Variants in MAP4K4 observed in about 807,000 individuals in gnomAD.
MAP4K4 encodes HPK/GCK-like kinase HGK.
Under a neutral mutation model 189.6 loss-of-function variants are expected in MAP4K4, and 38 were observed. The ratio of observed to expected loss-of-function variants is 0.20; its 90% confidence interval spans 0.15 to 0.26. The LOEUF is 0.26. Among genes scored for constraint, MAP4K4 ranks in the 10% least tolerant of loss-of-function variants. The pLI, the probability that MAP4K4 is intolerant of heterozygous loss-of-function variation, is 1.00. For missense variants in MAP4K4, 1,054 were observed against 1,726.9 expected, an observed-to-expected ratio of 0.61 and a Z score of 6.91; for synonymous variants, 610 against 624.3, an observed-to-expected ratio of 0.98 and a Z score of 0.34.
At chr2:101,761,079 C>T (rs2076175590) in intron 2 of MAP4K4, among the ~76,000 whole-genome samples, 1 of 152,074 alleles carries the variant, frequency 6.6e-6, no homozygotes, top group Non-Finnish European at 1.5e-5. Flanking sequence ...ATCCAAAGAA[C>T]CAACTTAAAA....
At chr2:101,713,465 G>A (rs1460812727) in intron 2 of MAP4K4, among the ~76,000 whole-genome samples, 2 of 151,830 alleles carry the variant, frequency 1.3e-5, no homozygotes, top group Admixed American at 6.6e-5. Context: ...GCACGGTGGC[G>A]CATGCCTGTA....
intron 3 of MAP4K4, among the ~76,000 whole-genome samples, chr2:101,820,843 G>A (rs1056177102): frequency 6.6e-6 from 1 of 152,142 alleles, no homozygotes; most frequent in African/African-American, 2.4e-5. Context: ...AGCCCTGGTC[G>A]CTACTGCTCG....
chr2:101,833,860 G>A (rs138326803), intron 7 of MAP4K4, among the ~76,000 whole-genome samples: 31 of 152,258 alleles, frequency 2.0e-4, no homozygotes, highest in African/African-American at 6.3e-4. Flanking sequence ...GTAGGGTGGG[G>A]ATGCTTAGTG....
At chr2:101,777,465 C>T (rs1177340582) in intron 2 of MAP4K4, among the ~76,000 whole-genome samples, 1 of 152,190 alleles carries the variant, frequency 6.6e-6, no homozygotes, top group African/African-American at 2.4e-5. Context: ...TCATGGTTTT[C>T]TGTGTAGATT....
In MAP4K4 at chr2:101,876,145, C is replaced by G. The variant is rs187170400; in HGVS notation, c.3242-858C>G. On this transcript the variant is annotated intron_variant, in intron 26 of 32. Transcript: ENST00000324219. ...GCTTGGGAGCTGTTGATAGAAGCAG[C>G]CAAGTCGCGAGGCTAGTTTCAGTAG... Among the ~76,000 whole-genome samples the G allele has an allele frequency of 6.2e-3, 940 of 152,212 alleles. 7 individuals carry two copies. Among genetic ancestry groups the G allele is most frequent in the African/African-American group, 0.022 (896 of 41,504 alleles).
At chr2:101,820,071 T>C (rs2149283544) in intron 3 of MAP4K4, among the ~76,000 whole-genome samples, 1 of 152,362 alleles carries the variant, frequency 6.6e-6, no homozygotes, top group Non-Finnish European at 1.5e-5. Flanking sequence ...TCGAGTGCTC[T>C]TGACTCTTTC....
At chr2:101,744,926 G>C in intron 2 of MAP4K4, among the ~76,000 whole-genome samples, 1 of 152,122 alleles carries the variant, frequency 6.6e-6, no homozygotes, top group East Asian at 1.9e-4. Context: ...TAACTTTCAT[G>C]GTGGGAAGAG....
intron 3 of MAP4K4, among the ~76,000 whole-genome samples, chr2:101,815,522 T>C (rs1004101697): frequency 6.6e-6 from 1 of 152,164 alleles, no homozygotes; most frequent in Non-Finnish European, 1.5e-5. Flanking sequence ...TAATTTTCTT[T>C]CCCCCCCTCT....
chr2:101,814,998 T>A (rs2095636321), intron 3 of MAP4K4, among the ~76,000 whole-genome samples: 1 of 152,234 alleles, frequency 6.6e-6, no homozygotes, highest in African/African-American at 2.4e-5. Flanking sequence ...CCCTCTGAAG[T>A]CAGTGCTTCT....
At chr2:101,727,570 A>AT (rs2056185618) in intron 2 of MAP4K4, among the ~76,000 whole-genome samples, 1 of 152,228 alleles carries the variant, frequency 6.6e-6, no homozygotes, top group Non-Finnish European at 1.5e-5. Context: ...GACTCTTAAA[A>AT]TTTTGGGGGG....
chr2:101,849,421 G>A (rs1387576974), intron 12 of MAP4K4, among the ~76,000 whole-genome samples: 4 of 152,222 alleles, frequency 2.6e-5, no homozygotes, highest in African/African-American at 9.6e-5. Flanking sequence ...GAGCCACTGT[G>A]CCCAGCCAAA....
intron 9 of MAP4K4, among the ~76,000 whole-genome samples, chr2:101,836,444 C>T (rs749124687): frequency 1.6e-4 from 24 of 151,982 alleles, no homozygotes; most frequent in Non-Finnish European, 2.4e-4. Context: ...CAAAATTAGC[C>T]GGGCGTGGTG....
chr2:101,889,613 GA>G (rs554628292), intron 32 of MAP4K4, among the ~76,000 whole-genome samples: 59 of 152,200 alleles, frequency 3.9e-4, no homozygotes, highest in African/African-American at 1.4e-3. Flanking sequence ...AGAAGGCATC[GA>G]GGGTGGAACT....
chr2:101,776,116 C>G (rs959628929), intron 2 of MAP4K4, among the ~76,000 whole-genome samples: 11 of 152,148 alleles, frequency 7.2e-5, no homozygotes, highest in African/African-American at 2.4e-4. Flanking sequence ...GCCGTAGTGG[C>G]AGTTACTCTG....
chr2:101,762,331 C>G (rs12472719), intron 2 of MAP4K4, among the ~76,000 whole-genome samples: 1,771 of 152,296 alleles, frequency 0.012, 14 homozygotes, highest in South Asian at 0.021. Flanking sequence ...GCTGTGGTGA[C>G]AAATCCATGC....
At chr2:101,701,442 T>C (rs192449481) in intron 2 of MAP4K4, among the ~76,000 whole-genome samples, 6 of 152,164 alleles carry the variant, frequency 3.9e-5, no homozygotes, top group South Asian at 2.1e-4. Context: ...TTCAAGGAGA[T>C]GTTATTTGGA....
intron 3 of MAP4K4, among the ~76,000 whole-genome samples, chr2:101,803,244 GA>G (rs1228427713): frequency 4.9e-5 from 2 of 41,024 alleles, no homozygotes; most frequent in African/African-American, 1.8e-4. Flanking sequence ...TGATGATGAT[GA>G]TGTGTGTGTG....
intron 8 of MAP4K4, among the ~76,000 whole-genome samples, 182 bp from the exon 9 acceptor site, chr2:101,835,718 A>G (rs1261441210): frequency 1.3e-5 from 2 of 152,180 alleles, no homozygotes; most frequent in Non-Finnish European, 2.9e-5. Context: ...CCACTTTGCT[A>G]TTTTTAAATG....
Position 101,844,309 on chromosome 2 carries a change from G to T in MAP4K4, c.1231G>T (p.Glu411Ter). Residue 411 changes from glutamate to a stop codon, truncating the protein, a stop_gained and splice_region_variant, in exon 12 of 33, where the codon GAG becomes TAG. Transcript: ENST00000324219. LOFTEE classifies it high-confidence loss of function. ...GAAAGAACAGAGGCGACGGCTAGAA[G>T]AGGTAGCAAAAGGAAAATGTCCAAG... The T allele has an allele frequency of 6.4e-7, 1 of 1,554,948 alleles. No individual in the cohort carries two copies. The highest frequency in any genetic ancestry group is 8.7e-7 in the Non-Finnish European group (1 of 1,149,174).
Sources: allele counts gnomAD v4.1 joint callset (sites outside exome capture counted in the v4.1 genomes callset), GRCh38; gene constraint gnomAD v4.1.1; transcripts MANE v1.5; gene names NCBI Gene and HGNC (gene_info 2026-07-23, HGNC 2026-07-21).